The following IGF2BP2 variants were observed in gnomAD, a reference collection of about 807,000 sequenced individuals.
The protein encoded by IGF2BP2 is insulin-like growth factor 2 mRNA-binding protein 2.
A neutral mutation model predicts 75.8 loss-of-function variants in IGF2BP2; 17 were observed. The observed-to-expected ratio is 0.22, with a 90% CI of 0.15 to 0.34. The LOEUF (loss-of-function observed/expected upper bound fraction) is 0.34. Ranked by LOEUF, IGF2BP2 falls within the 10% of genes least tolerant of loss-of-function variation. The probability of loss-of-function intolerance (pLI) is 1.00; values close to 1 mark genes in which losing one functional copy is unlikely to be tolerated. For synonymous variants in IGF2BP2, 288 were observed against 295.6 expected, an observed-to-expected ratio of 0.97 and a Z score of 0.26; for missense variants, 516 against 772.4, an observed-to-expected ratio of 0.67 and a Z score of 3.93.
chr3:185,644,793 GAC>G lies in IGF2BP2; in HGVS notation c.*736_*737del. ...TATGAGCTAGACAGGCATGAGGAGT[GAC>G]AGAGTTTCCTCTTCAAGGAGACGGT... is the stretch of plus-strand genomic sequence containing the variant. On this transcript the variant is annotated 3_prime_UTR_variant, in exon 16 of 16. Coordinates refer to ENST00000382199, the MANE Select transcript of IGF2BP2 (RefSeq NM_006548.6). 1 of 152,736 alleles carries G rather than the reference GAC, an allele frequency of 6.5e-6. No individual in the cohort carries two copies. The highest frequency in any genetic ancestry group is 2.4e-5 in the African/African-American group (1 of 41,554). 9.5% of individuals were successfully genotyped at this position (152,736 alleles called of 1,614,324 possible).
At chr3:185,744,110 G>C (rs1013272322) in intron 2 of IGF2BP2, among the ~76,000 whole-genome samples, 1 of 152,196 alleles carries the variant, frequency 6.6e-6, no homozygotes, top group Non-Finnish European at 1.5e-5. Context: ...TGGCACCTGA[G>C]AGACGAGAGA....
At chr3:185,813,998 AG>A (rs1379153343) in intron 2 of IGF2BP2, 1 of 152,290 alleles carries the variant, frequency 6.6e-6, no homozygotes, top group Non-Finnish European at 1.5e-5. Flanking sequence ...TAAGTGTCAA[AG>A]AAAAGAATAT....
chr3:185,683,861 C>T (rs1720742246), intron 7 of IGF2BP2, among the ~76,000 whole-genome samples: 2 of 152,104 alleles, frequency 1.3e-5, no homozygotes, highest in South Asian at 4.1e-4. Context: ...CTATTATAAC[C>T]AAGGGAACGT....
intron 9 of IGF2BP2, among the ~76,000 whole-genome samples, chr3:185,673,909 G>A (rs1173737201): frequency 6.6e-6 from 1 of 152,194 alleles, no homozygotes; most frequent in African/African-American, 2.4e-5. Flanking sequence ...CACAGAAAGA[G>A]ATGTTTACCA....
Position 185,643,377 on chromosome 3 carries a change from CCAT to C in IGF2BP2, c.*2151_*2153del, listed in dbSNP as rs919164297. Among the ~76,000 whole-genome samples, 18 of 152,368 alleles carry C rather than the reference CCAT, an allele frequency of 1.2e-4. No homozygotes were observed. The highest frequency in any genetic ancestry group is 4.3e-4 in the African/African-American group (18 of 41,582). The stretch of plus-strand genomic sequence containing the variant: ...TTCTCTAGCTTGACATGCAGTCGAT[CCAT>C]CCCTCTAGCTCCGAGGTTCGGAAAC... On this transcript the variant is annotated 3_prime_UTR_variant, in exon 16 of 16. Transcript: ENST00000382199.
At chr3:185,649,118 A>T (rs929367636) in intron 14 of IGF2BP2, among the ~76,000 whole-genome samples, 1 of 151,666 alleles carries the variant, frequency 6.6e-6, no homozygotes, top group Admixed American at 6.6e-5. Context: ...CTGACCATGG[A>T]GTCAAGATGG....
intron 9 of IGF2BP2, 90 bp downstream of exon 9, chr3:185,675,206 T>C: frequency 7.5e-7 from 1 of 1,337,886 alleles, no homozygotes; most frequent in East Asian, 2.4e-5. Flanking sequence ...AAACTCTGCA[T>C]ACCTATCCTA....
intron 14 of IGF2BP2, among the ~76,000 whole-genome samples, chr3:185,648,575 AC>A (rs1461411486): frequency 2.0e-5 from 3 of 151,240 alleles, no homozygotes; most frequent in Non-Finnish European, 4.4e-5. Flanking sequence ...AGTTCCTGCC[AC>A]CCAACACTGC....
intron 6 of IGF2BP2, among the ~76,000 whole-genome samples, chr3:185,687,726 T>G (rs1214555966): frequency 6.6e-6 from 1 of 152,250 alleles, no homozygotes; most frequent in Non-Finnish European, 1.5e-5. Context: ...CCATTAAGAC[T>G]AATGGCTCAA....
intron 2 of IGF2BP2, chr3:185,722,091 AT>A (rs373538684): frequency 5.7e-4 from 181 of 316,694 alleles, no homozygotes; most frequent in East Asian, 1.9e-3. Flanking sequence ...ACCACATCTG[AT>A]TTTTTTTTTC....
In IGF2BP2 at chr3:185,735,660, G is replaced by A. The variant is rs1435803413; in HGVS notation, c.240-37313C>T. On this transcript the variant is annotated intron_variant, in intron 2 of 15. Transcript: ENST00000382199. Reference sequence around the variant, plus strand: ...GAGATAATAAGCTTTACACAGCAGAGGGGAAGGCTCCTTACCCCAGGAACC... The same window carrying A: ...GAGATAATAAGCTTTACACAGCAGAAGGGAAGGCTCCTTACCCCAGGAACC... Among the ~76,000 whole-genome samples, 3 of 152,280 alleles carry A rather than the reference G, an allele frequency of 2.0e-5. No individual in the cohort carries two copies. In the East Asian group the frequency reaches 5.8e-4, roughly 29 times the overall value.
intron 2 of IGF2BP2, among the ~76,000 whole-genome samples, chr3:185,752,845 C>T (rs1361823855): frequency 6.6e-6 from 1 of 152,156 alleles, no homozygotes; most frequent in African/African-American, 2.4e-5. Flanking sequence ...GATCCTCCCA[C>T]CTCAGCCTCC....
At chr3:185,722,134 A>G in intron 2 of IGF2BP2, 3 of 370,132 alleles carry the variant, frequency 8.1e-6, no homozygotes, top group South Asian at 5.9e-5. Context: ...GTGTCTCACT[A>G]TGTTGCCCAG....
At chr3:185,789,104 C>T (rs4414887) in intron 2 of IGF2BP2, among the ~76,000 whole-genome samples, 62,114 of 151,896 alleles carry the variant, frequency 0.41, 14,202 homozygotes, top group African/African-American at 0.63. Context: ...TCGATCCTCC[C>T]GCCTCAGCCT....
chr3:185,747,991 G>A (rs1344194151), intron 2 of IGF2BP2, among the ~76,000 whole-genome samples: 1 of 152,076 alleles, frequency 6.6e-6, no homozygotes, highest in Admixed American at 6.5e-5. Flanking sequence ...GAGTAGCTGC[G>A]ACTACAGGCG....
At chr3:185,798,723 A>C (rs1737770372) in intron 2 of IGF2BP2, among the ~76,000 whole-genome samples, 1 of 152,096 alleles carries the variant, frequency 6.6e-6, no homozygotes, top group African/African-American at 2.4e-5. Context: ...ACATCATAAG[A>C]AGCAGACAGT....
chr3:185,813,704 C>T (rs930846376), intron 2 of IGF2BP2, among the ~76,000 whole-genome samples: 3 of 152,242 alleles, frequency 2.0e-5, no homozygotes, highest in Non-Finnish European at 4.4e-5. Context: ...GCTCATGTGT[C>T]TGCTGCACAT....
At chr3:185,792,421 A>G (rs974847598) in intron 2 of IGF2BP2, among the ~76,000 whole-genome samples, 2 of 152,118 alleles carry the variant, frequency 1.3e-5, no homozygotes, top group Non-Finnish European at 2.9e-5. Flanking sequence ...CCTGGCCAAC[A>G]TGGCGAAACC....
intron 2 of IGF2BP2, chr3:185,724,822 C>T (rs1303369230): frequency 3.3e-5 from 5 of 152,202 alleles, no homozygotes; most frequent in Admixed American, 2.0e-4. Flanking sequence ...CTTTGACACT[C>T]CTCCCATTGA....
Sources: allele counts gnomAD v4.1 joint callset (sites outside exome capture counted in the v4.1 genomes callset), GRCh38; gene constraint gnomAD v4.1.1; transcripts MANE v1.5; gene names NCBI Gene and HGNC (gene_info 2026-07-23, HGNC 2026-07-21).